Variants in SLC16A2 observed in about 807,000 individuals in gnomAD.
The protein encoded by SLC16A2 is monocarboxylate transporter 8.
Under a neutral mutation model 27.2 loss-of-function variants are expected in SLC16A2, and 3 were observed. The observed-to-expected ratio is 0.11, with a 90% CI of 0.05 to 0.28. SLC16A2 has a LOEUF of 0.28. Ranked by LOEUF, SLC16A2 falls within the 10% of genes least tolerant of loss-of-function variation. SLC16A2 has a pLI of 1.00. For missense variants in SLC16A2, 295 were observed against 458.5 expected (o/e 0.64, Z 3.26); for synonymous variants, 202 against 187.8 (o/e 1.08, Z -0.62).
At chrX:74,480,335 T>G (rs76045508) in intron 1 of SLC16A2, among the ~76,000 whole-genome samples, 1 of 112,599 alleles carries the variant, frequency 8.9e-6, no homozygotes, top group African/African-American at 3.2e-5. Flanking sequence ...ATTGGAAAAG[T>G]GCAGTATTAG....
At chrX:74,466,934 G>A (rs1929262137) in intron 1 of SLC16A2, among the ~76,000 whole-genome samples, 1 of 112,670 alleles carries the variant, frequency 8.9e-6, no homozygotes, top group Admixed American at 9.4e-5. Context: ...GTCTGATTCT[G>A]CCAACCCAGA....
intron 1 of SLC16A2, among the ~76,000 whole-genome samples, chrX:74,426,267 G>A: frequency 8.9e-6 from 1 of 112,379 alleles, no homozygotes; most frequent in East Asian, 2.8e-4. Context: ...AGCGCCTGCT[G>A]TGGTGCTTCA....
intron 1 of SLC16A2, among the ~76,000 whole-genome samples, chrX:74,474,160 G>C (rs771251281): frequency 8.9e-6 from 1 of 112,045 alleles, no homozygotes; most frequent in East Asian, 2.8e-4. Context: ...TAAATTTACA[G>C]AGATTGCCAT....
intron 1 of SLC16A2, among the ~76,000 whole-genome samples, chrX:74,452,270 C>T (rs1368499680): frequency 8.9e-6 from 1 of 111,964 alleles, no homozygotes. Flanking sequence ...CAGGCCTTCC[C>T]TCTCATCCTG....
chrX:74,445,997 C>G (rs745958466), intron 1 of SLC16A2, among the ~76,000 whole-genome samples: 1 of 111,578 alleles, frequency 9.0e-6, no homozygotes, highest in Non-Finnish European at 1.9e-5. Flanking sequence ...AACCATGCCC[C>G]TCTGCCTAAG....
chrX:74,449,320 C>T (rs1301546850), intron 1 of SLC16A2, among the ~76,000 whole-genome samples: 1 of 111,726 alleles, frequency 9.0e-6, no homozygotes, highest in African/African-American at 3.3e-5. Flanking sequence ...TTGAGTGATG[C>T]TAATTTAAGA....
chrX:74,472,138 T>C lies in SLC16A2; in HGVS notation c.431-48852T>C, dbSNP rs534473289. ...TTGTGAATGATGCTTCTCTGAACTTTAGGGGACAAATATCTGTTTGAGTCC... is the reference window on the plus strand; with the variant it reads ...TTGTGAATGATGCTTCTCTGAACTTCAGGGGACAAATATCTGTTTGAGTCC... On this transcript the variant is annotated intron_variant, in intron 1 of 5. Transcript: ENST00000587091. 4.5e-5 allele frequency among the ~76,000 whole-genome samples: 5 copies of C among 112,331 alleles called. No homozygotes were observed. In the East Asian group the frequency reaches 1.1e-3, roughly 25 times the overall value.
rs764219283 is a variant in SLC16A2, at chrX:74,441,021, G to A, written c.430+18954G>A. On this transcript the variant is annotated intron_variant, in intron 1 of 5. Coordinates refer to ENST00000587091, the MANE Select transcript of SLC16A2 (RefSeq NM_006517.5). ...CTGTCTCTGTCGCCCAGGCTGGAGT[G>A]CAGTGGCGCCATCTCGGCTCACTGC... 1.1e-4 allele frequency among the ~76,000 whole-genome samples: 12 copies of A among 109,684 alleles called. No individual in the cohort carries two copies. The South Asian group carries it at 4.8e-3, about 44-fold the overall frequency.
chrX:74,511,267 C>T (rs946503668), intron 1 of SLC16A2, among the ~76,000 whole-genome samples: 7 of 110,386 alleles, frequency 6.3e-5, no homozygotes, highest in African/African-American at 1.6e-4. Flanking sequence ...CTGAAAGCTC[C>T]GCCTCCCAGG....
At chrX:74,460,171 T>C (rs746596570) in intron 1 of SLC16A2, among the ~76,000 whole-genome samples, 1 of 112,252 alleles carries the variant, frequency 8.9e-6, no homozygotes, top group African/African-American at 3.2e-5. Flanking sequence ...GGGAGCATAA[T>C]TGACCAAGGG....
At chrX:74,511,167 G>T (rs911696370) in intron 1 of SLC16A2, among the ~76,000 whole-genome samples, 5 of 110,922 alleles carry the variant, frequency 4.5e-5, no homozygotes, top group South Asian at 3.9e-4. Flanking sequence ...GAGATTCGTG[G>T]TTTTTTTTAT....
chrX:74,478,882 G>C (rs946776022), intron 1 of SLC16A2, among the ~76,000 whole-genome samples: 22 of 111,524 alleles, frequency 2.0e-4, no homozygotes, highest in African/African-American at 5.9e-4. Flanking sequence ...TCTCTTTGTG[G>C]GTAACCCGAC....
chrX:74,506,648 G>A (rs1452915926), intron 1 of SLC16A2, among the ~76,000 whole-genome samples: 1 of 111,095 alleles, frequency 9.0e-6, no homozygotes, highest in African/African-American at 3.3e-5. Context: ...AGCAGGTCTA[G>A]GGCAGAAGGG....
rs1440795936 is a variant in SLC16A2, at chrX:74,533,852, G to T, written c.*2299G>T. ...AATCTAGAACGAACAAAATTTCAGAGCTCAAGACATGGGACATTTAAATCC... is the reference window on the plus strand; with the variant it reads ...AATCTAGAACGAACAAAATTTCAGATCTCAAGACATGGGACATTTAAATCC... On this transcript the variant is annotated 3_prime_UTR_variant, in exon 6 of 6. Transcript: ENST00000587091. The T allele has an allele frequency of 1.8e-5, 2 of 112,549 alleles. No homozygotes were observed. The highest frequency in any genetic ancestry group is 6.5e-5 in the African/African-American group (2 of 30,866). 9.3% of individuals were successfully genotyped at this position (112,549 alleles called of 1,213,427 possible). A position where few individuals can be genotyped will look rare whatever the true frequency, so the allele number is the denominator to read the frequency against.
chrX:74,475,290 G>A (rs762871935), intron 1 of SLC16A2, among the ~76,000 whole-genome samples: 2 of 108,213 alleles, frequency 1.8e-5, no homozygotes, highest in African/African-American at 6.9e-5. Context: ...TTTGAGAAGT[G>A]TCTGTTCATA....
intron 1 of SLC16A2, among the ~76,000 whole-genome samples, chrX:74,470,647 T>C (rs930370187): frequency 8.9e-6 from 1 of 112,160 alleles, no homozygotes; most frequent in Non-Finnish European, 1.9e-5. Flanking sequence ...TAGATTTGCC[T>C]TTAAAAATAT....
chrX:74,530,557 T>G (rs1000728995), intron 5 of SLC16A2, among the ~76,000 whole-genome samples: 4 of 112,274 alleles, frequency 3.6e-5, no homozygotes, highest in Non-Finnish European at 7.5e-5. Flanking sequence ...AAGCTTTCAC[T>G]CAGGCTTCTG....
rs770845291 is a variant in SLC16A2, at chrX:74,428,619, C to T, written c.430+6552C>T. 8.1e-5 allele frequency among the ~76,000 whole-genome samples: 9 copies of T among 111,053 alleles called. No individual in the cohort carries two copies. The South Asian group carries it at 3.5e-3, about 43-fold the overall frequency. On this transcript the variant is annotated intron_variant, in intron 1 of 5. Coordinates refer to ENST00000587091, the MANE Select transcript of SLC16A2 (RefSeq NM_006517.5). ...CTCCTACACATCCTACAGAGGCCTC[C>T]CTTCCCCCTTTCCCCTTCCTTTCCT...
At chrX:74,460,398 C>T (rs906626544) in intron 1 of SLC16A2, among the ~76,000 whole-genome samples, 1 of 111,800 alleles carries the variant, frequency 8.9e-6, no homozygotes, top group Non-Finnish European at 1.9e-5. Flanking sequence ...CCAACCTTCC[C>T]TCATCCTCTC....
Sources: gnomAD v4.1 joint callset for allele counts (sites outside exome capture counted in the v4.1 genomes callset) on GRCh38, gnomAD v4.1.1 for gene constraint, MANE v1.5 for transcripts, NCBI Gene and HGNC (gene_info 2026-07-23, HGNC 2026-07-21) for gene names.